GALNT13: variants seen among roughly 807,000 people sequenced by gnomAD.
GALNT13 encodes the protein polypeptide N-acetylgalactosaminyltransferase 13, also known as UDP-GalNAc:polypeptide N-acetylgalactosaminyltransferase 13.
A neutral mutation model predicts 64.2 loss-of-function variants in GALNT13; 28 were observed. The ratio of observed to expected loss-of-function variants is 0.44; its 90% CI spans 0.32 to 0.60. The LOEUF (loss-of-function observed/expected upper bound fraction) is 0.60, where lower values mean the gene tolerates loss of function less well. GALNT13 is among the 20% of genes least tolerant of loss of function. The pLI, the probability that GALNT13 is intolerant of heterozygous loss-of-function variation, is 0.05. For synonymous variants in GALNT13, 214 were observed against 224.6 expected, an observed-to-expected ratio of 0.95 and a Z score of 0.42; for missense variants, 577 against 669.8, an observed-to-expected ratio of 0.86 and a Z score of 1.53.
intron 4 of GALNT13, among the ~76,000 whole-genome samples, chr2:154,155,196 T>C (rs1684336077): frequency 6.6e-6 from 1 of 152,072 alleles, no homozygotes; most frequent in Non-Finnish European, 1.5e-5. Flanking sequence ...CTCACTTCTA[T>C]TTCATCTTTA....
chr2:154,422,454 C>A (rs1366139986), intron 11 of GALNT13, among the ~76,000 whole-genome samples: 1 of 152,038 alleles, frequency 6.6e-6, no homozygotes, highest in African/African-American at 2.4e-5. Context: ...AGAAATGATA[C>A]CTTTCCATTA....
At chr2:154,377,172 A>C (rs563391573) in intron 9 of GALNT13, among the ~76,000 whole-genome samples, 1 of 152,226 alleles carries the variant, frequency 6.6e-6, no homozygotes, top group African/African-American at 2.4e-5. Context: ...TAGCTTGGTA[A>C]GTATATACAA....
the GALNT13 span, among the ~76,000 whole-genome samples, chr2:153,745,610 G>T: frequency 1.3e-5 from 2 of 151,978 alleles, no homozygotes; most frequent in Non-Finnish European, 2.9e-5. Context: ...TTCTAGTTTT[G>T]GATTTATTCT....
chr2:153,843,610 T>C, the GALNT13 span, among the ~76,000 whole-genome samples: 1 of 152,152 alleles, frequency 6.6e-6, no homozygotes, highest in Admixed American at 6.5e-5. Context: ...TCACCCAAAC[T>C]CTTAACTTAG....
At chr2:153,357,769 T>C in the GALNT13 span, among the ~76,000 whole-genome samples, 1 of 152,208 alleles carries the variant, frequency 6.6e-6, no homozygotes, top group Non-Finnish European at 1.5e-5. Flanking sequence ...ACATTGTATA[T>C]TTGTAAGCGT....
the GALNT13 span, among the ~76,000 whole-genome samples, chr2:153,535,615 G>A: frequency 2.6e-5 from 4 of 151,154 alleles, no homozygotes; most frequent in Admixed American, 1.3e-4. Flanking sequence ...GCTTAAATGG[G>A]CTGTACCTTG....
At chr2:153,541,150 G>T in the GALNT13 span, among the ~76,000 whole-genome samples, 5 of 151,984 alleles carry the variant, frequency 3.3e-5, no homozygotes, top group Admixed American at 6.5e-5. Context: ...TAGATCATAG[G>T]TGTTGTTCCC....
At chr2:153,706,907 C>T in the GALNT13 span, among the ~76,000 whole-genome samples, 1 of 152,098 alleles carries the variant, frequency 6.6e-6, no homozygotes, top group Non-Finnish European at 1.5e-5. Flanking sequence ...GGCTGTCTCC[C>T]CGCTCAAATC....
chr2:153,118,069 C>T, the GALNT13 span, among the ~76,000 whole-genome samples: 1 of 150,084 alleles, frequency 6.7e-6, no homozygotes, highest in African/African-American at 2.5e-5. Context: ...TAACTGAATT[C>T]TCTTTCTAAG....
In GALNT13 at chr2:154,452,870, ACTTGT is replaced by A. The variant is rs1165250157; in HGVS notation, c.*2323_*2327del. 6.6e-6 allele frequency: 1 copy of A among 152,200 alleles called. No individual in the cohort carries two copies. The highest frequency in any genetic ancestry group is 6.6e-5 in the Admixed American group (1 of 15,258). The allele number at this position is 152,200 out of a possible 1,614,324, so 9.4% of individuals were successfully genotyped here. On this transcript the variant is annotated 3_prime_UTR_variant, in exon 13 of 13. Coordinates refer to ENST00000392825, the MANE Select transcript of GALNT13 (RefSeq NM_052917.4). ...AAAACCATGATTGGATTCATAATGC[ACTTGT>A]CTTATCCCTTATTTATGGAGCTAGA...
the GALNT13 span, among the ~76,000 whole-genome samples, chr2:153,129,719 A>G: frequency 6.6e-6 from 1 of 152,000 alleles, no homozygotes; most frequent in African/African-American, 2.4e-5. Context: ...GCAGTGAGCC[A>G]AGATCGTGCC....
chr2:154,186,127 A>C (rs1417574880), intron 4 of GALNT13, among the ~76,000 whole-genome samples: 1 of 151,974 alleles, frequency 6.6e-6, no homozygotes, highest in Non-Finnish European at 1.5e-5. Context: ...TTAAATTGTA[A>C]TTTTTGTTTA....
chr2:154,067,107 T>C (rs1274657429), intron 3 of GALNT13, among the ~76,000 whole-genome samples: 1 of 151,982 alleles, frequency 6.6e-6, no homozygotes, highest in Non-Finnish European at 1.5e-5. Flanking sequence ...TTATAAGATA[T>C]TACTTGCAAG....
At chr2:153,787,976 A>T in the GALNT13 span, among the ~76,000 whole-genome samples, 1 of 152,210 alleles carries the variant, frequency 6.6e-6, no homozygotes, top group East Asian at 1.9e-4. Flanking sequence ...AGCATCCCTG[A>T]AAGTGACAGG....
At chr2:153,712,769 C>T in the GALNT13 span, among the ~76,000 whole-genome samples, 3 of 152,136 alleles carry the variant, frequency 2.0e-5, no homozygotes, top group African/African-American at 4.8e-5. Flanking sequence ...ATCTCATCTA[C>T]TATCATTATG....
chr2:153,688,158 C>G, the GALNT13 span, among the ~76,000 whole-genome samples: 7 of 151,986 alleles, frequency 4.6e-5, no homozygotes, highest in African/African-American at 1.7e-4. Flanking sequence ...TGGAACATAG[C>G]CACATCTATT....
At chr2:154,210,636 A>G (rs1473576530) in intron 4 of GALNT13, among the ~76,000 whole-genome samples, 1 of 152,184 alleles carries the variant, frequency 6.6e-6, no homozygotes, top group Non-Finnish European at 1.5e-5. Context: ...ATTTAAATAT[A>G]ATGTGGGACA....
At chr2:154,381,381 C>T (rs7566536) in intron 9 of GALNT13, among the ~76,000 whole-genome samples, 88,494 of 151,842 alleles carry the variant, frequency 0.58, 26,102 homozygotes, top group Admixed American at 0.66. Flanking sequence ...CCTGACCACC[C>T]CTTCCTGACC....
the GALNT13 span, among the ~76,000 whole-genome samples, chr2:153,277,908 C>CTTTTCTTTTTTT: frequency 8.6e-5 from 6 of 69,588 alleles, no homozygotes; most frequent in Non-Finnish European, 2.0e-4. Context: ...TTTCTTTTTT[C>CTTTTCTTTTTTT]TTTTGTTTTC....
Sources: gnomAD v4.1 joint callset for allele counts (sites outside exome capture counted in the v4.1 genomes callset) on GRCh38, gnomAD v4.1.1 for gene constraint, MANE v1.5 for transcripts, NCBI Gene and HGNC (gene_info 2026-07-23, HGNC 2026-07-21) for gene names.